Variants in DIAPH3 observed in about 807,000 individuals in gnomAD.
DIAPH3 encodes the protein diaphanous related formin 3.
A neutral mutation model predicts 144.3 loss-of-function variants in DIAPH3; 117 were observed. The observed-to-expected ratio is 0.81, with a 90% CI of 0.70 to 0.95. The LOEUF is 0.95. Among genes scored for constraint, DIAPH3 ranks in the 40% least tolerant of loss-of-function variants. The probability of loss-of-function intolerance (pLI) is 0.00; values close to 1 mark genes in which losing one functional copy is unlikely to be tolerated. For missense variants in DIAPH3, 1,421 were observed against 1,412.7 expected, an observed-to-expected ratio of 1.01 and a Z score of -0.09; for synonymous variants, 519 against 488.9, an observed-to-expected ratio of 1.06 and a Z score of -0.81.
At position 59,858,740 on chromosome 13, in the gene DIAPH3, C is replaced by T. The variant is rs538986932; in HGVS notation, c.2737+2667G>A. On this transcript the variant is annotated intron_variant, in intron 22 of 27. Coordinates refer to ENST00000400324, the MANE Select transcript of DIAPH3 (RefSeq NM_001042517.2). ...AAAAATGTATTGAACCTTAGAAGTC[C>T]AAAAAGAGAGAAATATTACAATGGT... Among the ~76,000 whole-genome samples, 145 of 151,786 alleles carry T rather than the reference C, an allele frequency of 9.6e-4. 1 individual carries two copies. In the South Asian group the frequency reaches 0.011, roughly 11 times the overall value.
chr13:59,980,438 GGCCAGGAATTGTTCCTGGT>G (rs1197182808), intron 14 of DIAPH3, among the ~76,000 whole-genome samples: 1 of 151,358 alleles, frequency 6.6e-6, no homozygotes, highest in Non-Finnish European at 1.5e-5. Flanking sequence ...TCTTACAAAG[GGCCAGGAATTGTTCCTGGT>G]GCAGGGATAG....
At chr13:60,084,278 A>G (rs1319172126) in intron 4 of DIAPH3, among the ~76,000 whole-genome samples, 1 of 152,014 alleles carries the variant, frequency 6.6e-6, no homozygotes, top group Non-Finnish European at 1.5e-5. Context: ...TCTCCTTATG[A>G]TAATTCATTA....
intron 4 of DIAPH3, among the ~76,000 whole-genome samples, chr13:60,044,520 A>G (rs1286028385): frequency 6.6e-6 from 1 of 152,168 alleles, no homozygotes; most frequent in African/African-American, 2.4e-5. Flanking sequence ...AACATATTCA[A>G]CTTGTACCAA....
chr13:60,120,657 C>T (rs900960599), intron 2 of DIAPH3, among the ~76,000 whole-genome samples: 5 of 152,266 alleles, frequency 3.3e-5, no homozygotes, highest in African/African-American at 9.6e-5. Flanking sequence ...ACATGCAATA[C>T]GTGTTCTAAA....
chr13:60,162,825 A>T (rs1229377741), intron 1 of DIAPH3, among the ~76,000 whole-genome samples: 1 of 151,380 alleles, frequency 6.6e-6, no homozygotes, highest in Non-Finnish European at 1.5e-5. Flanking sequence ...ACACACACAC[A>T]CACACACACA....
intron 4 of DIAPH3, among the ~76,000 whole-genome samples, chr13:60,087,665 T>A (rs1216437405): frequency 1.3e-5 from 2 of 152,068 alleles, no homozygotes; most frequent in East Asian, 3.9e-4. Flanking sequence ...ACTTTTCTAA[T>A]AAATTCCTCA....
At chr13:60,058,468 G>A (rs577904225) in intron 4 of DIAPH3, among the ~76,000 whole-genome samples, 1 of 152,108 alleles carries the variant, frequency 6.6e-6, no homozygotes, top group East Asian at 1.9e-4. Context: ...AACCTTCATG[G>A]AAAACAGTAG....
intron 18 of DIAPH3, among the ~76,000 whole-genome samples, chr13:59,918,814 G>A (rs1189643478): frequency 6.6e-6 from 1 of 151,842 alleles, no homozygotes; most frequent in Admixed American, 6.6e-5. Context: ...AGACAATCAG[G>A]GAAACATGAC....
intron 25 of DIAPH3, among the ~76,000 whole-genome samples, chr13:59,780,619 CTG>C (rs1047037887): frequency 6.6e-6 from 1 of 152,040 alleles, no homozygotes; most frequent in African/African-American, 2.4e-5. Flanking sequence ...AAAAATTGCA[CTG>C]TGTCAAAGGA....
chr13:60,152,610 A>C (rs1397715475), intron 1 of DIAPH3, among the ~76,000 whole-genome samples: 6 of 151,720 alleles, frequency 4.0e-5, no homozygotes, highest in African/African-American at 1.4e-4. Context: ...GATTAGAAGG[A>C]GATAAAGATA....
chr13:60,007,360 TA>T (rs139769617), intron 9 of DIAPH3, among the ~76,000 whole-genome samples: 3,226 of 150,698 alleles, frequency 0.021, 50 homozygotes, highest in Non-Finnish European at 0.031. Flanking sequence ...CTATTATTTT[TA>T]AAATACCATT....
chr13:60,076,239 T>C (rs2141375818), intron 4 of DIAPH3, among the ~76,000 whole-genome samples: 1 of 152,302 alleles, frequency 6.6e-6, no homozygotes, highest in South Asian at 2.1e-4. Flanking sequence ...AACCTCTGAG[T>C]GCTTCTCTCA....
chr13:59,812,650 G>A (rs1230781142), intron 24 of DIAPH3, among the ~76,000 whole-genome samples: 1 of 152,150 alleles, frequency 6.6e-6, no homozygotes, highest in Non-Finnish European at 1.5e-5. Flanking sequence ...TGATGATCTA[G>A]AACACATCAG....
intron 27 of DIAPH3, among the ~76,000 whole-genome samples, chr13:59,763,291 T>C (rs550900121): frequency 7.7e-6 from 1 of 130,540 alleles, no homozygotes; most frequent in African/African-American, 3.1e-5. Flanking sequence ...TATATTCACA[T>C]ATATGTATAT....
At chr13:59,740,527 T>C (rs1323901141) in intron 27 of DIAPH3, among the ~76,000 whole-genome samples, 2 of 152,216 alleles carry the variant, frequency 1.3e-5, no homozygotes, top group Non-Finnish European at 2.9e-5. Flanking sequence ...TCCCAGATGC[T>C]AAGTCTAACA....
intron 1 of DIAPH3, among the ~76,000 whole-genome samples, chr13:60,136,914 T>G (rs2059297451): frequency 6.6e-6 from 1 of 151,054 alleles, no homozygotes; most frequent in Non-Finnish European, 1.5e-5. Flanking sequence ...CACTCCAGCC[T>G]GGGCGACAGA....
At chr13:60,114,423 A>G (rs796706809) in intron 2 of DIAPH3, among the ~76,000 whole-genome samples, 11 of 152,280 alleles carry the variant, frequency 7.2e-5, no homozygotes, top group African/African-American at 2.6e-4. Context: ...AAACACAAAC[A>G]AAATAATGAG....
In DIAPH3 at chr13:59,755,102, C is replaced by T. The variant is rs1321253055; in HGVS notation, c.3319+19087G>A. ...GCTTATATGTTCTGTATTGCTCATACAGCTTATGTTATATACATATTCTCC... is the reference window on the plus strand; with the variant it reads ...GCTTATATGTTCTGTATTGCTCATATAGCTTATGTTATATACATATTCTCC... On this transcript the variant is annotated intron_variant, in intron 27 of 27. Coordinates refer to ENST00000400324, the MANE Select transcript of DIAPH3 (RefSeq NM_001042517.2). 3.3e-5 allele frequency among the ~76,000 whole-genome samples: 5 copies of T among 152,298 alleles called. No individual in the cohort carries two copies. In the East Asian group the frequency reaches 9.6e-4, roughly 29 times the overall value.
At chr13:59,785,623 T>C (rs1024196531) in intron 25 of DIAPH3, among the ~76,000 whole-genome samples, 1 of 152,226 alleles carries the variant, frequency 6.6e-6, no homozygotes, top group Admixed American at 6.5e-5. Flanking sequence ...AATATTTTGA[T>C]GACTATTCTT....
Sources: gnomAD v4.1 joint callset for allele counts (sites outside exome capture counted in the v4.1 genomes callset) on GRCh38, gnomAD v4.1.1 for gene constraint, MANE v1.5 for transcripts, NCBI Gene and HGNC (gene_info 2026-07-23, HGNC 2026-07-21) for gene names.